Variants in PCDHA5 observed in about 807,000 individuals in gnomAD.
PCDHA5 encodes protocadherin alpha-5.
In PCDHA5, 43 loss-of-function variants were observed where a neutral mutation model predicts 61.6. The observed-to-expected ratio is 0.70, with a 90% CI of 0.55 to 0.90. The LOEUF (loss-of-function observed/expected upper bound fraction) is 0.90. Among genes scored for constraint, PCDHA5 ranks in the 40% least tolerant of loss-of-function variants. PCDHA5 has a pLI of 0.00. For missense variants in PCDHA5, 1,298 were observed against 1,222.7 expected (o/e 1.06, Z -0.92); for synonymous variants, 627 against 543.9 (o/e 1.15, Z -2.13).
chr5:140,823,507 G>A lies in PCDHA5; in HGVS notation c.1732G>A (p.Glu578Lys). 10 of 1,613,354 alleles carry A rather than the reference G, an allele frequency of 6.2e-6. No individual in the cohort carries two copies. The highest frequency in any genetic ancestry group is 2.2e-5 in the East Asian group (1 of 44,866). The change falls in exon 1 of 4, where the codon GAG becomes AAG. Residue 578 changes from glutamate (E) to lysine (K), a missense_variant. By Grantham distance (56) the Glu-to-Lys change is moderately conservative. Coordinates refer to ENST00000529859, the MANE Select transcript of PCDHA5 (RefSeq NM_018908.3). The stretch of plus-strand genomic sequence containing the variant: ...GGGTGGCACCGGCGGCGCAGTGAGC[G>A]AGCTGGTGCCGAGGTCAGTGGGTGC... Reference protein sequence around the residue: ...RVGGTGGAVSELVPRSVGAGH... With the variant: ...RVGGTGGAVSKLVPRSVGAGH...
At chr5:140,982,312 T>C in intron 2 of PCDHA5, 163 bp from the exon 3 acceptor site, 1 of 1,315,948 alleles carries the variant, frequency 7.6e-7, no homozygotes, top group Non-Finnish European at 1.0e-6. Context: ...TTCTGCAGTT[T>C]ATGCAGGGTG....
intron 1 of PCDHA5, chr5:140,870,710 CGCGCGATGCGG>C (rs1554164626): frequency 1.2e-6 from 2 of 1,612,974 alleles, no homozygotes; most frequent in African/African-American, 2.7e-5. Context: ...CAGGTGAGCG[CGCGCGATGCGG>C]GCGTGCCGCC....
At position 140,823,088 on chromosome 5, in the gene PCDHA5, C is replaced by T. The variant is rs1554129125; in HGVS notation, c.1313C>T (p.Ala438Val). Reference protein sequence around the residue: ...DGGSPSLWATASVSVEVADVN... With the variant: ...DGGSPSLWATVSVSVEVADVN... ...GGCTCGCCTTCGCTGTGGGCCACCG[C>T]CAGCGTGTCTGTGGAAGTGGCCGAC... The change falls in exon 1 of 4, where the codon GCC becomes GTC. Residue 438 changes from alanine (A) to valine (V), a missense_variant. Ala to Val is a moderately conservative substitution (Grantham distance 64, BLOSUM62 0). Coordinates refer to ENST00000529859, the MANE Select transcript of PCDHA5 (RefSeq NM_018908.3). 5 of 1,613,882 alleles carry T rather than the reference C, an allele frequency of 3.1e-6. No homozygotes were observed. Among genetic ancestry groups the T allele is most frequent in the Non-Finnish European group, 4.2e-6 (5 of 1,180,002 alleles).
At chr5:140,927,602 T>G (rs2084408838) in intron 1 of PCDHA5, 1 of 1,614,104 alleles carries the variant, frequency 6.2e-7, no homozygotes, top group African/African-American at 1.3e-5. Context: ...GAGCGCTCCG[T>G]ATACCGCACC....
intron 1 of PCDHA5, chr5:140,828,857 G>C: frequency 6.2e-7 from 1 of 1,614,232 alleles, no homozygotes; most frequent in Admixed American, 1.7e-5. Flanking sequence ...CGAAAATGCA[G>C]ACAACGGAAC....
intron 1 of PCDHA5, among the ~76,000 whole-genome samples, chr5:140,904,727 A>G (rs953402398): frequency 7.2e-5 from 11 of 151,992 alleles, no homozygotes; most frequent in African/African-American, 2.4e-4. Flanking sequence ...GCCAACATCT[A>G]TTATTTTTTT....
chr5:140,856,200 T>G (rs1463727286), intron 1 of PCDHA5: 1 of 1,597,908 alleles, frequency 6.3e-7, no homozygotes, highest in African/African-American at 1.3e-5. Flanking sequence ...GCGCAGGACC[T>G]GGGGCTGGAG....
chr5:141,004,632 GA>G (rs1401867459), intron 3 of PCDHA5, among the ~76,000 whole-genome samples: 19 of 152,200 alleles, frequency 1.2e-4, no homozygotes, highest in African/African-American at 3.4e-4. Context: ...TATGGTTGAA[GA>G]AAAATTTCCA....
chr5:140,886,458 T>G (rs888629917), intron 1 of PCDHA5, among the ~76,000 whole-genome samples: 1 of 152,174 alleles, frequency 6.6e-6, no homozygotes, highest in Non-Finnish European at 1.5e-5. Flanking sequence ...TTGTCATATA[T>G]AAATGTTTTT....
chr5:140,891,281 G>A (rs1554184772), intron 1 of PCDHA5, among the ~76,000 whole-genome samples: 2 of 151,886 alleles, frequency 1.3e-5, no homozygotes, highest in African/African-American at 4.8e-5. Context: ...GTAAGTTATT[G>A]GGGGTACAGG....
intron 1 of PCDHA5, chr5:140,926,922 T>A: frequency 6.4e-7 from 1 of 1,570,576 alleles, no homozygotes; most frequent in Non-Finnish European, 8.7e-7. Flanking sequence ...CAGTTTTATG[T>A]TTGTGGGTTT....
At chr5:140,858,420 G>C in intron 1 of PCDHA5, 4 of 1,558,504 alleles carry the variant, frequency 2.6e-6, no homozygotes, top group South Asian at 1.1e-5. Context: ...TCTATTGGAG[G>C]GGACCACTCT....
At position 140,848,233 on chromosome 5, in the gene PCDHA5, TAA is replaced by T. The variant is rs1363334655; in HGVS notation, c.2352+24107_2352+24108del. The stretch of plus-strand genomic sequence containing the variant: ...TTAAGAAAAAATTAAGAAAATGAAA[TAA>T]GTTTTGCAGAATAACTGTGAAATTT... On this transcript the variant is annotated intron_variant, in intron 1 of 3. Transcript: ENST00000529859. The T allele has an allele frequency of 7.5e-5, 31 of 410,834 alleles. 1 individual carries two copies. Among genetic ancestry groups the T allele is most frequent in the Middle Eastern group, 1.3e-3 (2 of 1,546 alleles). 25.4% of individuals were successfully genotyped at this position (410,834 alleles called of 1,614,324 possible).
intron 1 of PCDHA5, among the ~76,000 whole-genome samples, chr5:140,942,026 A>G (rs1394001505): frequency 6.6e-6 from 1 of 152,194 alleles, no homozygotes; most frequent in Non-Finnish European, 1.5e-5. Flanking sequence ...GGAAAAAATA[A>G]TTCATAAACC....
intron 3 of PCDHA5, among the ~76,000 whole-genome samples, chr5:140,984,074 A>T (rs1554245949): frequency 6.6e-6 from 1 of 152,268 alleles, no homozygotes; most frequent in African/African-American, 2.4e-5. Context: ...AGTGCCAACG[A>T]TGGAGTGAAG....
Position 140,852,234 on chromosome 5 carries a change from C to T in PCDHA5, c.2352+28107C>T, listed in dbSNP as rs2150513960. On this transcript the variant is annotated intron_variant, in intron 1 of 3. Coordinates refer to ENST00000529859, the MANE Select transcript of PCDHA5 (RefSeq NM_018908.3). The stretch of plus-strand genomic sequence containing the variant: ...AAAATATTTTAATTTTTAAATTTTC[C>T]CTTAAAACACACTTTTGGAATATGC... 9.0e-5 allele frequency: 51 copies of T among 567,386 alleles called. 1 individual carries two copies. In the East Asian group the frequency reaches 2.4e-3, roughly 26 times the overall value. 35.1% of individuals were successfully genotyped at this position (567,386 alleles called of 1,614,324 possible).
intron 1 of PCDHA5, chr5:140,858,206 A>T (rs781984728): frequency 1.3e-6 from 2 of 1,593,038 alleles, no homozygotes; most frequent in Non-Finnish European, 1.7e-6. Flanking sequence ...CACTGCACTG[A>T]GGTGCTCGGC....
chr5:140,902,102 G>T (rs1407664200), intron 1 of PCDHA5, among the ~76,000 whole-genome samples: 1 of 151,098 alleles, frequency 6.6e-6, no homozygotes, highest in Non-Finnish European at 1.5e-5. Flanking sequence ...GGAGTCTTTA[G>T]ATTTTTTTAA....
intron 3 of PCDHA5, among the ~76,000 whole-genome samples, chr5:140,992,231 G>C (rs1234271245): frequency 1.3e-5 from 2 of 152,176 alleles, no homozygotes; most frequent in African/African-American, 4.8e-5. Context: ...CCTGGGAAGA[G>C]TAAGGAAGGA....
Sources: gnomAD v4.1 joint callset for allele counts (sites outside exome capture counted in the v4.1 genomes callset) on GRCh38, gnomAD v4.1.1 for gene constraint, MANE v1.5 for transcripts, NCBI Gene and HGNC (gene_info 2026-07-23, HGNC 2026-07-21) for gene names.